EYS: variants seen among roughly 807,000 people sequenced by gnomAD.
EYS encodes the protein protein eyes shut homolog.
A neutral mutation model predicts 282.1 loss-of-function variants in EYS; 250 were observed. The ratio of observed to expected loss-of-function variants is 0.89; its 90% CI spans 0.80 to 0.98. The LOEUF (loss-of-function observed/expected upper bound fraction) is 0.98. Among genes scored for constraint, EYS ranks in the 50% least tolerant of loss-of-function variants. The pLI is 0.00. For missense variants in EYS, 4,016 were observed against 3,709.0 expected (o/e 1.08, Z -2.15); for synonymous variants, 1,355 against 1,282.9 (o/e 1.06, Z -1.20).
intron 2 of EYS, among the ~76,000 whole-genome samples, chr6:65,536,552 C>T (rs570624363): frequency 6.6e-6 from 1 of 152,028 alleles, no homozygotes; most frequent in South Asian, 2.1e-4. Context: ...GTTTGCAGAG[C>T]CTTCAAACTT....
In EYS at chr6:63,721,288, A is replaced by C; in HGVS notation, c.8743T>G (p.Ser2915Ala). 2 of 1,551,992 alleles carry C rather than the reference A, an allele frequency of 1.3e-6. No individual in the cohort carries two copies. The highest frequency in any genetic ancestry group is 1.7e-6 in the Non-Finnish European group (2 of 1,147,016). The change falls in exon 43 of 43, where the codon TCC (serine) becomes GCC (alanine). Residue 2915 changes from serine to alanine, a missense_variant. Ser to Ala is a moderately conservative substitution (Grantham distance 99). Transcript: ENST00000503581. ...TGGAGGCAAAGATTATTCAAACAGGACACAGACTGGTTACATGTATTTCCA... is the reference window on the plus strand; with the variant it reads ...TGGAGGCAAAGATTATTCAAACAGGCCACAGACTGGTTACATGTATTTCCA... ...WAGNTCNQSV[S>A]CLNNLCLHQS...
At chr6:64,468,178 C>A (rs1279576647) in intron 26 of EYS, among the ~76,000 whole-genome samples, 2 of 152,186 alleles carry the variant, frequency 1.3e-5, no homozygotes, top group Non-Finnish European at 2.9e-5. Context: ...AAGGACTGGA[C>A]TGCCTGGCAT....
chr6:64,330,728 C>T (rs147582257), intron 29 of EYS, among the ~76,000 whole-genome samples: 1 of 152,316 alleles, frequency 6.6e-6, no homozygotes, highest in Non-Finnish European at 1.5e-5. Context: ...GCGTGCCCCA[C>T]ATGGTCATCA....
At chr6:64,662,545 T>G (rs1482400466) in intron 22 of EYS, among the ~76,000 whole-genome samples, 1 of 152,140 alleles carries the variant, frequency 6.6e-6, no homozygotes, top group Non-Finnish European at 1.5e-5. Context: ...CCAGCAAATA[T>G]TATTCTGAAA....
chr6:63,943,548 A>C (rs1471983834), intron 35 of EYS, among the ~76,000 whole-genome samples: 1 of 152,246 alleles, frequency 6.6e-6, no homozygotes, highest in Non-Finnish European at 1.5e-5. Flanking sequence ...CTTGATAAGA[A>C]GATATGTGCA....
chr6:64,937,328 C>T (rs1768943038), intron 15 of EYS, among the ~76,000 whole-genome samples: 5 of 151,248 alleles, frequency 3.3e-5, no homozygotes, highest in Admixed American at 3.3e-4. Flanking sequence ...ATTGTTTGTG[C>T]CTGAAAGGAC....
intron 35 of EYS, among the ~76,000 whole-genome samples, chr6:63,870,308 G>GTTACCATGGTGAATTCACCAGTTA (rs1335843520): frequency 3.3e-5 from 5 of 152,110 alleles, no homozygotes; most frequent in Non-Finnish European, 5.9e-5. Context: ...CTACTCAACT[G>GTTACCATGGTGAATTCACCAGTTA]TTACCATGGT....
intron 2 of EYS, among the ~76,000 whole-genome samples, chr6:65,560,278 CAT>C (rs1422896530): frequency 4.3e-5 from 6 of 140,682 alleles, no homozygotes; most frequent in African/African-American, 7.8e-5. Context: ...TAACATATAA[CAT>C]ATTATTAATA....
rs1021649432 is a variant in EYS at position 63,755,667 on chromosome 6, G to T, written c.8071+6794C>A. On this transcript the variant is annotated intron_variant, in intron 41 of 42. Coordinates refer to ENST00000503581, the MANE Select transcript of EYS (RefSeq NM_001142800.2). ...AGTAGTTTTTTTCCAATGCTGTGAA[G>T]AAAGTCTTTGGTAGCTTCATGGGGA... 1.1e-4 allele frequency among the ~76,000 whole-genome samples: 16 copies of T among 152,256 alleles called. 1 individual carries two copies. The highest frequency in any genetic ancestry group is 5.9e-4 in the Admixed American group (9 of 15,274).
At chr6:64,666,955 G>A (rs1396042937) in intron 22 of EYS, among the ~76,000 whole-genome samples, 1 of 151,734 alleles carries the variant, frequency 6.6e-6, no homozygotes, top group Non-Finnish European at 1.5e-5. Flanking sequence ...TTTCTCCCCT[G>A]GAGATCAATG....
intron 31 of EYS, among the ~76,000 whole-genome samples, chr6:64,143,356 TA>T (rs60699526): frequency 0.41 from 36,428 of 89,356 alleles, 7,645 homozygotes; most frequent in Non-Finnish European, 0.48. Flanking sequence ...TCATTTATTG[TA>T]AAAAAAAAAA....
chr6:65,026,859 GT>G (rs1772429937), intron 13 of EYS, among the ~76,000 whole-genome samples: 1 of 151,228 alleles, frequency 6.6e-6, no homozygotes, highest in East Asian at 2.0e-4. Context: ...AGAGGTTGCA[GT>G]GAGCCAAGAT....
At chr6:64,536,830 C>A (rs1252899806) in intron 26 of EYS, among the ~76,000 whole-genome samples, 2 of 150,990 alleles carry the variant, frequency 1.3e-5, no homozygotes, top group South Asian at 2.1e-4. Context: ...ATATTTATTT[C>A]TTTACATACA....
intron 12 of EYS, among the ~76,000 whole-genome samples, chr6:65,113,529 T>C (rs958921443): frequency 6.6e-6 from 1 of 152,136 alleles, no homozygotes; most frequent in East Asian, 1.9e-4. Context: ...TTATAAGCCA[T>C]GGTGCTTCAA....
At chr6:64,371,936 A>G (rs567451125) in intron 29 of EYS, among the ~76,000 whole-genome samples, 1 of 152,276 alleles carries the variant, frequency 6.6e-6, no homozygotes, top group Non-Finnish European at 1.5e-5. Context: ...TCCTGAAGAC[A>G]GAATAACATT....
At position 64,954,284 on chromosome 6, in the gene EYS, A is replaced by C. The variant is rs566225044; in HGVS notation, c.2260-8370T>G. Reference sequence around the variant, plus strand: ...CTTTAATGTCGGTTTAAAAAAAAAAAGAATTTAAAACTAGAATAAAGAAGT... The same window carrying C: ...CTTTAATGTCGGTTTAAAAAAAAAACGAATTTAAAACTAGAATAAAGAAGT... On this transcript the variant is annotated intron_variant, in intron 14 of 42. Transcript: ENST00000503581. Among the ~76,000 whole-genome samples, 21 of 152,092 alleles carry C rather than the reference A, an allele frequency of 1.4e-4. No individual in the cohort carries two copies. In the South Asian group the frequency reaches 3.3e-3, roughly 24 times the overall value.
At chr6:64,754,819 C>T (rs571589075) in intron 22 of EYS, among the ~76,000 whole-genome samples, 15 of 152,116 alleles carry the variant, frequency 9.9e-5, no homozygotes, top group Non-Finnish European at 1.8e-4. Flanking sequence ...AGCCATGTAT[C>T]GCAAAGCCAA....
At chr6:63,825,051 G>T (rs1327242148) in intron 36 of EYS, among the ~76,000 whole-genome samples, 2 of 152,164 alleles carry the variant, frequency 1.3e-5, no homozygotes, top group Non-Finnish European at 2.9e-5. Context: ...TAGACTCGGG[G>T]CTGTTGTTGG....
At chr6:64,594,603 A>T (rs1766518767) in intron 24 of EYS, among the ~76,000 whole-genome samples, 1 of 149,750 alleles carries the variant, frequency 6.7e-6, no homozygotes, top group South Asian at 2.1e-4. Flanking sequence ...AAAAAACCAA[A>T]CACTGCATGT....
Sources: gnomAD v4.1 joint callset for allele counts (sites outside exome capture counted in the v4.1 genomes callset) on GRCh38, gnomAD v4.1.1 for gene constraint, MANE v1.5 for transcripts, NCBI Gene and HGNC (gene_info 2026-07-23, HGNC 2026-07-21) for gene names.